LIMCH1: variants seen among roughly 807,000 people sequenced by gnomAD.
The protein encoded by LIMCH1 is LIM and calponin homology domains-containing protein 1.
LIMCH1 carries 113 observed loss-of-function variants against 176.5 expected under a neutral mutation model. The observed-to-expected ratio is 0.64, with a 90% CI of 0.55 to 0.75. LIMCH1 has a LOEUF of 0.75. Among genes scored for constraint, LIMCH1 ranks in the 30% least tolerant of loss-of-function variants. The probability of loss-of-function intolerance (pLI) is 0.00; values close to 1 mark genes in which losing one functional copy is unlikely to be tolerated. For synonymous variants in LIMCH1, 619 were observed against 645.9 expected, an observed-to-expected ratio of 0.96 and a Z score of 0.63; for missense variants, 1,674 against 1,814.9, an observed-to-expected ratio of 0.92 and a Z score of 1.41.
intron 1 of LIMCH1, among the ~76,000 whole-genome samples, chr4:41,476,457 G>C (rs1370859675): frequency 6.6e-6 from 1 of 152,208 alleles, no homozygotes. Flanking sequence ...GTTCACTCCT[G>C]TGCAGGCCAA....
At chr4:41,425,382 T>C (rs2060983486) in intron 1 of LIMCH1, among the ~76,000 whole-genome samples, 1 of 152,220 alleles carries the variant, frequency 6.6e-6, no homozygotes, top group Non-Finnish European at 1.5e-5. Flanking sequence ...AGTCTCACTC[T>C]GTTGCCCAGG....
chr4:41,597,707 A>G (rs949605420), intron 1 of LIMCH1, among the ~76,000 whole-genome samples: 1 of 152,190 alleles, frequency 6.6e-6, no homozygotes, highest in African/African-American at 2.4e-5. Flanking sequence ...TCACCTTCTA[A>G]GAGTTTCCCT....
intron 2 of LIMCH1, chr4:41,599,268 G>T: frequency 2.7e-6 from 1 of 365,848 alleles, no homozygotes; most frequent in East Asian, 4.8e-5. Context: ...GAATTTTGAA[G>T]AGGAGAAAAA....
chr4:41,627,138 T>C, intron 8 of LIMCH1, 128 bp downstream of exon 8: 6 of 1,244,148 alleles, frequency 4.8e-6, no homozygotes, highest in Non-Finnish European at 6.5e-6. Context: ...TTCCAGCCTC[T>C]CAATTATATG....
intron 2 of LIMCH1, among the ~76,000 whole-genome samples, chr4:41,498,036 G>A (rs546516339): frequency 6.6e-6 from 1 of 152,102 alleles, no homozygotes; most frequent in South Asian, 2.1e-4. Flanking sequence ...CATGTGGTTG[G>A]TGGTCTTAGA....
chr4:41,511,051 A>G (rs1189308870), intron 2 of LIMCH1, among the ~76,000 whole-genome samples: 1 of 152,198 alleles, frequency 6.6e-6, no homozygotes, highest in East Asian at 1.9e-4. Context: ...TGGGAGGCTA[A>G]CATTCCCAAA....
chr4:41,639,058 C>A, intron 14 of LIMCH1, 91 bp downstream of exon 14: 1 of 941,068 alleles, frequency 1.1e-6, no homozygotes, highest in Non-Finnish European at 1.6e-6. Context: ...GCAACTGATG[C>A]AAGTGAACTG....
intron 4 of LIMCH1, chr4:41,612,700 A>C (rs1218708347): frequency 3.4e-5 from 24 of 700,590 alleles, no homozygotes; most frequent in Non-Finnish European, 5.2e-6. Context: ...CAGGCTGTCA[A>C]AGACAGCCAT....
intron 1 of LIMCH1, among the ~76,000 whole-genome samples, chr4:41,557,221 G>A (rs1001318820): frequency 6.6e-6 from 1 of 152,130 alleles, no homozygotes; most frequent in Non-Finnish European, 1.5e-5. Flanking sequence ...CAGGATGGAG[G>A]AGTTGCCTCC....
intron 5 of LIMCH1, among the ~76,000 whole-genome samples, chr4:41,618,840 A>G (rs183544773): frequency 6.6e-6 from 1 of 152,302 alleles, no homozygotes; most frequent in African/African-American, 2.4e-5. Context: ...GCTCAGTGAA[A>G]ACTTCATTGG....
intron 1 of LIMCH1, among the ~76,000 whole-genome samples, chr4:41,577,026 C>A (rs1000227098): frequency 6.6e-6 from 1 of 151,960 alleles, no homozygotes; most frequent in Non-Finnish European, 1.5e-5. Flanking sequence ...TAAGCCCTCA[C>A]GTATGGAGGG....
intron 1 of LIMCH1, among the ~76,000 whole-genome samples, chr4:41,391,595 C>A (rs1376782783): frequency 6.6e-6 from 1 of 152,126 alleles, no homozygotes; most frequent in Non-Finnish European, 1.5e-5. Context: ...CATGGTGCTT[C>A]TGAAGAGCAC....
intron 1 of LIMCH1, among the ~76,000 whole-genome samples, chr4:41,406,490 A>C (rs565326751): frequency 1.3e-5 from 2 of 152,290 alleles, no homozygotes; most frequent in South Asian, 4.1e-4. Flanking sequence ...GGAAAAGGTA[A>C]CTGCACTGCA....
At chr4:41,608,126 CTTCTTT>C (rs1354760802) in intron 4 of LIMCH1, among the ~76,000 whole-genome samples, 3 of 152,192 alleles carry the variant, frequency 2.0e-5, no homozygotes, top group African/African-American at 7.2e-5. Context: ...AAGGCCCAAG[CTTCTTT>C]GTCTTTTTGT....
At chr4:41,553,834 C>G (rs1385515351) in intron 1 of LIMCH1, among the ~76,000 whole-genome samples, 1 of 152,138 alleles carries the variant, frequency 6.6e-6, no homozygotes, top group Non-Finnish European at 1.5e-5. Context: ...TTTTGGTTTA[C>G]CTACTATGTA....
intron 9 of LIMCH1, among the ~76,000 whole-genome samples, chr4:41,630,807 C>T (rs1254449516): frequency 6.6e-6 from 1 of 152,172 alleles, no homozygotes; most frequent in Non-Finnish European, 1.5e-5. Context: ...CACATCCTCC[C>T]ATATACTTTA....
At chr4:41,384,210 C>CTT (rs112813036) in intron 1 of LIMCH1, among the ~76,000 whole-genome samples, 3 of 144,524 alleles carry the variant, frequency 2.1e-5, no homozygotes, top group Non-Finnish European at 3.0e-5. Context: ...ATCCTGCTTT[C>CTT]TTTTTTTTTT....
chr4:41,659,442 T>C (rs1262427302), intron 18 of LIMCH1, among the ~76,000 whole-genome samples: 1 of 152,152 alleles, frequency 6.6e-6, no homozygotes, highest in Non-Finnish European at 1.5e-5. Context: ...GTAAAACCTT[T>C]TAGAAACTTG....
intron 1 of LIMCH1, among the ~76,000 whole-genome samples, chr4:41,411,743 G>A (rs1050302481): frequency 1.3e-5 from 2 of 151,652 alleles, no homozygotes; most frequent in African/African-American, 4.8e-5. Flanking sequence ...GGCAGATCAT[G>A]AGGTCAGGAG....
Sources: gnomAD v4.1 joint callset for allele counts (sites outside exome capture counted in the v4.1 genomes callset) on GRCh38, gnomAD v4.1.1 for gene constraint, MANE v1.5 for transcripts, NCBI Gene and HGNC (gene_info 2026-07-23, HGNC 2026-07-21) for gene names.